Variants in CALN1 observed in about 807,000 individuals in gnomAD.
The protein encoded by CALN1 is calcium-binding protein 8.
Under a neutral mutation model 30.6 loss-of-function variants are expected in CALN1, and 17 were observed. The ratio of observed to expected loss-of-function variants is 0.56; its 90% confidence interval spans 0.38 to 0.83. The LOEUF (loss-of-function observed/expected upper bound fraction) is 0.83. Ranked by LOEUF, CALN1 falls within the 40% of genes least tolerant of loss-of-function variation. The pLI is 0.00. For synonymous variants in CALN1, 156 were observed against 131.4 expected (o/e 1.19, Z -1.28); for missense variants, 291 against 354.9 (o/e 0.82, Z 1.45).
intron 3 of CALN1, among the ~76,000 whole-genome samples, chr7:72,170,182 T>C (rs1439598651): frequency 6.6e-6 from 1 of 152,138 alleles, no homozygotes; most frequent in Admixed American, 6.6e-5. Flanking sequence ...AGGATCTTAC[T>C]ATGTTGTCCA....
intron 2 of CALN1, among the ~76,000 whole-genome samples, chr7:72,338,433 C>T (rs181352612): frequency 8.7e-4 from 129 of 147,694 alleles, no homozygotes; most frequent in African/African-American, 2.9e-3. Flanking sequence ...GGTTCAACTG[C>T]CAGGGAAGTT....
chr7:72,470,453 T>G, the CALN1 span, among the ~76,000 whole-genome samples: 2 of 152,142 alleles, frequency 1.3e-5, no homozygotes, highest in African/African-American at 4.8e-5. Flanking sequence ...AATGGCACTT[T>G]GAGATGATCA....
chr7:72,145,564 C>T (rs1585034663), intron 3 of CALN1, among the ~76,000 whole-genome samples: 1 of 152,292 alleles, frequency 6.6e-6, no homozygotes, highest in East Asian at 1.9e-4. Flanking sequence ...TGGTACCATT[C>T]CTTCTGAAAC....
In CALN1 at chr7:72,224,039, C is replaced by T. The variant is rs980084989; in HGVS notation, c.244+54647G>A. Among the ~76,000 whole-genome samples, 5 of 152,098 alleles carry T rather than the reference C, an allele frequency of 3.3e-5. 1 individual carries two copies. The highest frequency in any genetic ancestry group is 7.4e-5 in the Non-Finnish European group (5 of 68,012). On this transcript the variant is annotated intron_variant, in intron 3 of 6. Transcript: ENST00000395275. ...AGGAAGGCAAGGGTTAAAAAGCTAC[C>T]TATTGGGTGCTATGCTCATTACCTG...
chr7:72,338,562 A>G (rs1440954217), intron 2 of CALN1, among the ~76,000 whole-genome samples: 1 of 140,182 alleles, frequency 7.1e-6, no homozygotes, highest in African/African-American at 2.6e-5. Flanking sequence ...TCCCTGAGGC[A>G]CTCATTGTGG....
intron 2 of CALN1, among the ~76,000 whole-genome samples, chr7:72,354,902 TTTTC>T (rs1003241240): frequency 1.1e-4 from 15 of 139,086 alleles, no homozygotes; most frequent in South Asian, 6.8e-4. Context: ...TTTTTTTTTC[TTTTC>T]TTTTTTTTTT....
rs749225809 is a variant in CALN1, at chr7:71,783,098, T to C, written c.*4677A>G. On this transcript the variant is annotated 3_prime_UTR_variant, in exon 7 of 7. Transcript: ENST00000395275. ...GATAGATTCTCCCCTTCTGGGGCAG[T>C]TGAGCAATCAGGTGTGGAGGGAAGA... 3 of 152,346 alleles carry C rather than the reference T, an allele frequency of 2.0e-5. No homozygotes were observed. The highest frequency in any genetic ancestry group is 6.5e-5 in the Admixed American group (1 of 15,296). 9.4% of individuals were successfully genotyped at this position (152,346 alleles called of 1,614,324 possible).
At chr7:72,271,564 T>TA (rs1305576740) in intron 3 of CALN1, among the ~76,000 whole-genome samples, 2,019 of 64,634 alleles carry the variant, frequency 0.031, 311 homozygotes, top group Admixed American at 0.11. Flanking sequence ...GCCTGCCTTT[T>TA]AAAAAAAAAA....
chr7:72,023,002 T>C (rs1333226947), intron 5 of CALN1, among the ~76,000 whole-genome samples: 1 of 151,280 alleles, frequency 6.6e-6, no homozygotes, highest in Non-Finnish European at 1.5e-5. Context: ...ACTGGTAATT[T>C]AATTTAATTT....
intron 1 of CALN1, among the ~76,000 whole-genome samples, chr7:72,408,701 G>C (rs1433261184): frequency 5.4e-5 from 1 of 18,686 alleles, no homozygotes; most frequent in Non-Finnish European, 1.4e-4. Flanking sequence ...TTTTGAGACA[G>C]GGTTGCACTC....
chr7:72,472,877 T>C, the CALN1 span, among the ~76,000 whole-genome samples: 12 of 152,210 alleles, frequency 7.9e-5, no homozygotes, highest in African/African-American at 2.9e-4. Context: ...CCGTGGACAT[T>C]GGCCAGGATT....
At chr7:72,033,304 A>G (rs1801575382) in intron 4 of CALN1, among the ~76,000 whole-genome samples, 1 of 152,210 alleles carries the variant, frequency 6.6e-6, no homozygotes, top group South Asian at 2.1e-4. Flanking sequence ...CTGCAAAATA[A>G]AAGGGAGGAG....
intron 5 of CALN1, among the ~76,000 whole-genome samples, chr7:71,978,262 C>CTGTTTTTTTTT (rs1173448154): frequency 1.4e-5 from 1 of 72,950 alleles, no homozygotes; most frequent in Non-Finnish European, 2.6e-5. Flanking sequence ...CTAGAGAATT[C>CTGTTTTTTTTT]TTTTTTTTTT....
At chr7:72,344,610 T>A (rs1185400822) in intron 2 of CALN1, among the ~76,000 whole-genome samples, 2 of 145,628 alleles carry the variant, frequency 1.4e-5, no homozygotes, top group South Asian at 2.1e-4. Context: ...TATTTATGTA[T>A]TTTATGTATA....
intron 1 of CALN1, among the ~76,000 whole-genome samples, chr7:72,444,602 C>A (rs1808464770): frequency 6.6e-6 from 1 of 152,112 alleles, no homozygotes; most frequent in South Asian, 2.1e-4. Flanking sequence ...GCCATCCCTG[C>A]CCTCAGAAAA....
At chr7:72,220,269 C>T (rs1242591406) in intron 3 of CALN1, among the ~76,000 whole-genome samples, 3 of 146,828 alleles carry the variant, frequency 2.0e-5, no homozygotes, top group Non-Finnish European at 3.0e-5. Context: ...TCAATTCCCA[C>T]CTATGAGTGA....
intron 3 of CALN1, among the ~76,000 whole-genome samples, chr7:72,249,588 G>A (rs1027331389): frequency 1.3e-5 from 2 of 150,832 alleles, no homozygotes; most frequent in Non-Finnish European, 3.0e-5. Context: ...GATCACTTGA[G>A]TTCAGGAGTT....
intron 5 of CALN1, among the ~76,000 whole-genome samples, chr7:71,878,112 C>T (rs1357454843): frequency 6.6e-6 from 1 of 151,922 alleles, no homozygotes; most frequent in Non-Finnish European, 1.5e-5. Context: ...TAGTGTTGAC[C>T]AAAAAGAAGA....
intron 2 of CALN1, among the ~76,000 whole-genome samples, chr7:72,364,436 T>C (rs140647168): frequency 2.0e-5 from 3 of 152,254 alleles, no homozygotes; most frequent in African/African-American, 7.2e-5. Flanking sequence ...GGAGAAGAAA[T>C]AAAAATGTTT....
Sources: gnomAD v4.1 joint callset for allele counts (sites outside exome capture counted in the v4.1 genomes callset) on GRCh38, gnomAD v4.1.1 for gene constraint, MANE v1.5 for transcripts, NCBI Gene and HGNC (gene_info 2026-07-23, HGNC 2026-07-21) for gene names.